Variants in CADPS2 observed in about 807,000 individuals in gnomAD.
CADPS2 encodes the protein calcium-dependent secretion activator 2.
In CADPS2, 93 loss-of-function variants were observed where a neutral mutation model predicts 172.5. The ratio of observed to expected loss-of-function variants is 0.54; its 90% confidence interval spans 0.46 to 0.64. The LOEUF is 0.64. CADPS2 is among the 30% of genes least tolerant of loss of function. The pLI, the probability that CADPS2 is intolerant of heterozygous loss-of-function variation, is 0.00. For synonymous variants in CADPS2, 546 were observed against 555.2 expected, an observed-to-expected ratio of 0.98 and a Z score of 0.23; for missense variants, 1,420 against 1,565.9, an observed-to-expected ratio of 0.91 and a Z score of 1.57.
intron 1 of CADPS2, among the ~76,000 whole-genome samples, chr7:122,868,774 A>G (rs540124606): frequency 1.3e-5 from 2 of 152,218 alleles, no homozygotes; most frequent in African/African-American, 4.8e-5. Context: ...AAGGAATTCA[A>G]AAGGACAGTA....
chr7:122,605,261 C>T (rs4628201), intron 6 of CADPS2, among the ~76,000 whole-genome samples: 91,700 of 151,766 alleles, frequency 0.6, 27,986 homozygotes, highest in African/African-American at 0.7. Flanking sequence ...CACACTACTA[C>T]AGACTTTATA....
chr7:122,511,179 A>G (rs775008154), intron 9 of CADPS2, among the ~76,000 whole-genome samples: 15 of 152,136 alleles, frequency 9.9e-5, no homozygotes, highest in Non-Finnish European at 1.5e-4. Context: ...GATATAAAGC[A>G]TATGTTTGTT....
Position 122,832,081 on chromosome 7 carries a change from T to C in CADPS2, c.339+53918A>G, listed in dbSNP as rs538568381. 2.0e-5 allele frequency among the ~76,000 whole-genome samples: 3 copies of C among 152,314 alleles called. 1 individual carries two copies. Among genetic ancestry groups the C allele is most frequent in the East Asian group, 3.9e-4 (2 of 5,182 alleles). On this transcript the variant is annotated intron_variant, in intron 1 of 29. Transcript: ENST00000449022. Reference sequence around the variant, plus strand: ...AAAAATATCTAATGATTACCAATTATGTATCAAGCATTGTCAAGATACATG... The same window carrying C: ...AAAAATATCTAATGATTACCAATTACGTATCAAGCATTGTCAAGATACATG...
intron 22 of CADPS2, among the ~76,000 whole-genome samples, chr7:122,390,854 G>C (rs558880192): frequency 1.3e-5 from 2 of 151,720 alleles, no homozygotes; most frequent in Non-Finnish European, 2.9e-5. Flanking sequence ...TAAAGAATTC[G>C]AATGTGAGTA....
intron 3 of CADPS2, among the ~76,000 whole-genome samples, chr7:122,634,201 G>A (rs1177988777): frequency 6.6e-6 from 1 of 152,036 alleles, no homozygotes; most frequent in Non-Finnish European, 1.5e-5. Flanking sequence ...ATGAGTTAGG[G>A]AAGATTTTTA....
chr7:122,595,387 G>T (rs756332323), intron 6 of CADPS2, among the ~76,000 whole-genome samples: 6 of 151,896 alleles, frequency 4.0e-5, no homozygotes, highest in Non-Finnish European at 5.9e-5. Flanking sequence ...TTTAAGTGGG[G>T]GTTATGTTCT....
intron 24 of CADPS2, among the ~76,000 whole-genome samples, chr7:122,385,261 T>G (rs751721215): frequency 6.6e-6 from 1 of 152,082 alleles, no homozygotes; most frequent in Non-Finnish European, 1.5e-5. Context: ...ACCTGATATA[T>G]GTGTAAGGTT....
chr7:122,612,450 A>C (rs1411296741), intron 6 of CADPS2, among the ~76,000 whole-genome samples: 1 of 151,964 alleles, frequency 6.6e-6, no homozygotes, highest in Non-Finnish European at 1.5e-5. Context: ...AAAATAGCAT[A>C]AAAAAGAATA....
chr7:122,698,308 T>G, intron 2 of CADPS2: 1 of 1,614,048 alleles, frequency 6.2e-7, no homozygotes, highest in Non-Finnish European at 8.5e-7. Context: ...AAAGATGAAA[T>G]ATGCTAAGGT....
chr7:122,870,594 G>A (rs1175641310), intron 1 of CADPS2, among the ~76,000 whole-genome samples: 1 of 151,894 alleles, frequency 6.6e-6, no homozygotes, highest in African/African-American at 2.4e-5. Flanking sequence ...ATTATGTATT[G>A]TATATTTCAA....
At chr7:122,665,989 C>G (rs1220944141) in intron 2 of CADPS2, among the ~76,000 whole-genome samples, 1 of 152,154 alleles carries the variant, frequency 6.6e-6, no homozygotes, top group Non-Finnish European at 1.5e-5. Flanking sequence ...CTAAGAATGA[C>G]AAGAGCTACT....
At chr7:122,472,029 A>G (rs1449189377) in intron 13 of CADPS2, among the ~76,000 whole-genome samples, 8 of 152,200 alleles carry the variant, frequency 5.3e-5, no homozygotes, top group Non-Finnish European at 1.2e-4. Flanking sequence ...AATATCTGGG[A>G]TATTCTTCTC....
chr7:122,585,952 G>A (rs1338685200), intron 6 of CADPS2, among the ~76,000 whole-genome samples: 3 of 151,846 alleles, frequency 2.0e-5, no homozygotes, highest in Admixed American at 6.6e-5. Flanking sequence ...CAAAATAATT[G>A]TAAGTATTAA....
intron 6 of CADPS2, among the ~76,000 whole-genome samples, chr7:122,604,445 G>A (rs1481521245): frequency 1.3e-5 from 2 of 152,120 alleles, no homozygotes; most frequent in Non-Finnish European, 2.9e-5. Flanking sequence ...CACTGAGGGT[G>A]GACCAGCCCC....
chr7:122,578,093 CAT>C (rs965712276), intron 7 of CADPS2, among the ~76,000 whole-genome samples: 1 of 149,660 alleles, frequency 6.7e-6, no homozygotes, highest in African/African-American at 2.5e-5. Context: ...TATATATACA[CAT>C]ATATATACAC....
chr7:122,662,053 C>T (rs2080611487), intron 3 of CADPS2, among the ~76,000 whole-genome samples: 1 of 152,116 alleles, frequency 6.6e-6, no homozygotes. Context: ...ACTATTAACT[C>T]TATTAATTTG....
In CADPS2 at chr7:122,438,443, T is replaced by C; in HGVS notation, c.2374A>G (p.Thr792Ala). 1 of 1,612,586 alleles carries C rather than the reference T, an allele frequency of 6.2e-7. No homozygotes were observed. The highest frequency in any genetic ancestry group is 1.1e-5 in the South Asian group (1 of 91,012). ...LERVLMKDIA[T>A]PIPAEEVKKV... is the part of the protein sequence containing the mutation. Reference sequence around the variant, plus strand: ...TTCACCTCTTCTGCTGGTATGGGAGTGGCAATATCTTTCATTAAAACCTAC... The same window carrying C: ...TTCACCTCTTCTGCTGGTATGGGAGCGGCAATATCTTTCATTAAAACCTAC... The change falls in exon 17 of 30, where the codon ACT becomes GCT. Residue 792 changes from threonine to alanine, a missense_variant. By Grantham distance (58) the Thr-to-Ala change is moderately conservative. Transcript: ENST00000449022.
chr7:122,425,791 T>TAAA (rs958276692), intron 17 of CADPS2, among the ~76,000 whole-genome samples: 1 of 152,206 alleles, frequency 6.6e-6, no homozygotes, highest in African/African-American at 2.4e-5. Flanking sequence ...CTGAATCACA[T>TAAA]AAAGTCTATA....
rs576199142 is a variant in CADPS2 at position 122,355,383 on chromosome 7, C to G, written c.3504+5405G>C. 3.9e-5 allele frequency among the ~76,000 whole-genome samples: 6 copies of G among 152,258 alleles called. No homozygotes were observed. In the South Asian group the frequency reaches 1.2e-3, roughly 32 times the overall value. On this transcript the variant is annotated intron_variant, in intron 27 of 29. Coordinates refer to ENST00000449022, the MANE Select transcript of CADPS2 (RefSeq NM_017954.11). ...ATCACCTGAAGTCAGGAGTTTCAGA[C>G]AGCCTGGCCAACATGGTGAAACCCC... is the stretch of plus-strand genomic sequence containing the variant.
Sources: allele counts gnomAD v4.1 joint callset (sites outside exome capture counted in the v4.1 genomes callset), GRCh38; gene constraint gnomAD v4.1.1; transcripts MANE v1.5; gene names NCBI Gene and HGNC (gene_info 2026-07-23, HGNC 2026-07-21).